HS6ST2: variants seen among roughly 807,000 people sequenced by gnomAD.
HS6ST2 encodes heparan sulfate 6-O-sulfotransferase 2, also known as heparan-sulfate 6-O-sulfotransferase 2.
Under a neutral mutation model 33.0 loss-of-function variants are expected in HS6ST2, and 17 were observed. The observed-to-expected ratio is 0.52, with a 90% confidence interval of 0.35 to 0.77. The LOEUF (loss-of-function observed/expected upper bound fraction) is 0.77, where lower values mean the gene tolerates loss of function less well. HS6ST2 is among the 30% of genes least tolerant of loss of function. The pLI is 0.01. For missense variants in HS6ST2, 519 were observed against 551.7 expected (o/e 0.94, Z 0.59); for synonymous variants, 248 against 237.1 (o/e 1.05, Z -0.42).
intron 2 of HS6ST2, among the ~76,000 whole-genome samples, chrX:132,725,906 C>T (rs1252068118): frequency 9.1e-6 from 1 of 110,318 alleles, no homozygotes; most frequent in Non-Finnish European, 1.9e-5. Context: ...ATAAGCCAGG[C>T]ATAGAAGAAC....
chrX:132,945,586 C>T (rs191956598), intron 2 of HS6ST2, among the ~76,000 whole-genome samples: 5 of 110,381 alleles, frequency 4.5e-5, no homozygotes, highest in Admixed American at 2.9e-4. Flanking sequence ...GTCACAATAG[C>T]AAAGACCTGG....
intron 3 of HS6ST2, among the ~76,000 whole-genome samples, chrX:132,677,182 T>C (rs771391457): frequency 4.5e-5 from 5 of 112,184 alleles, no homozygotes; most frequent in African/African-American, 1.6e-4. Context: ...GTGAACTTTT[T>C]AGGAAAAGCC....
At chrX:132,716,367 G>A (rs2064273750) in intron 2 of HS6ST2, among the ~76,000 whole-genome samples, 2 of 112,190 alleles carry the variant, frequency 1.8e-5, no homozygotes, top group African/African-American at 6.5e-5. Flanking sequence ...TCAGAAAGCA[G>A]TGAAAAGGAT....
chrX:132,879,670 T>C (rs368265036), intron 2 of HS6ST2, among the ~76,000 whole-genome samples: 4 of 112,275 alleles, frequency 3.6e-5, no homozygotes, highest in African/African-American at 1.3e-4. Context: ...AATCAGATTT[T>C]GACTTCAGTT....
intron 2 of HS6ST2, among the ~76,000 whole-genome samples, chrX:132,922,478 G>T (rs1018007721): frequency 5.4e-5 from 6 of 111,984 alleles, no homozygotes; most frequent in African/African-American, 1.6e-4. Flanking sequence ...CATGGCCATG[G>T]TCCTTATCCA....
In HS6ST2 at chrX:132,628,419, G is replaced by T. The variant is rs367714566; in HGVS notation, c.1742C>A (p.Pro581Gln). ...QSQGQGQSQNPNQNQSQNPNP... is the reference protein window; with the variant it reads ...QSQGQGQSQNQNQNQSQNPNP... ...TGGGTTCTGACTCTGATTCTGATTCGGATTCTGGCTCTGGCCCTGACCCTG... is the reference window on the plus strand; with the variant it reads ...TGGGTTCTGACTCTGATTCTGATTCTGATTCTGGCTCTGGCCCTGACCCTG... The change falls in exon 5 of 5, where the codon CCG becomes CAG. Residue 581 changes from proline to glutamine, a missense_variant. Physicochemically the swap from Pro to Gln is moderately conservative, Grantham distance 76 (BLOSUM62 -1). Coordinates refer to ENST00000370833, the MANE Select transcript of HS6ST2 (RefSeq NM_001394073.1). The T allele has an allele frequency of 1.1e-5, 13 of 1,202,291 alleles. No individual in the cohort carries two copies. The African/African-American group carries it at 1.8e-4, about 16-fold the overall frequency.
chrX:132,773,205 A>G (rs1411161459), intron 2 of HS6ST2, among the ~76,000 whole-genome samples: 4 of 102,103 alleles, frequency 3.9e-5, no homozygotes, highest in African/African-American at 1.4e-4. Context: ...TATGTAATAT[A>G]TAATAAATAT....
At chrX:132,764,978 G>T (rs1314806403) in intron 2 of HS6ST2, among the ~76,000 whole-genome samples, 1 of 111,983 alleles carries the variant, frequency 8.9e-6, no homozygotes, top group Non-Finnish European at 1.9e-5. Flanking sequence ...AAGAGATTCT[G>T]GTCTTGAGTA....
chrX:132,878,769 T>C (rs779451775), intron 2 of HS6ST2, among the ~76,000 whole-genome samples: 9 of 111,305 alleles, frequency 8.1e-5, no homozygotes, highest in Admixed American at 7.6e-4. Context: ...GTGGAACATT[T>C]GTCATAAGGT....
intron 2 of HS6ST2, among the ~76,000 whole-genome samples, chrX:132,869,261 C>T (rs1420983203): frequency 9.0e-6 from 1 of 111,530 alleles, no homozygotes; most frequent in African/African-American, 3.3e-5. Flanking sequence ...AGGCCAATAA[C>T]AAGTTCTGAA....
At chrX:132,770,335 C>A (rs1821551434) in intron 2 of HS6ST2, among the ~76,000 whole-genome samples, 2 of 111,318 alleles carry the variant, frequency 1.8e-5, no homozygotes, top group African/African-American at 6.5e-5. Context: ...CTTTTCCCTG[C>A]TACTGGATTT....
chrX:132,730,222 A>G (rs1418789973), intron 2 of HS6ST2, among the ~76,000 whole-genome samples: 1 of 112,064 alleles, frequency 8.9e-6, no homozygotes, highest in East Asian at 2.8e-4. Flanking sequence ...CACAGCAGCT[A>G]TCATTTGTTG....
intron 2 of HS6ST2, among the ~76,000 whole-genome samples, chrX:132,878,214 T>C (rs1434528839): frequency 9.0e-6 from 1 of 110,677 alleles, no homozygotes; most frequent in African/African-American, 3.3e-5. Flanking sequence ...AGGAGAGGGG[T>C]CCTCCAAGCA....
chrX:132,774,301 C>G (rs1052158970), intron 2 of HS6ST2, among the ~76,000 whole-genome samples: 3 of 112,543 alleles, frequency 2.7e-5, no homozygotes, highest in African/African-American at 9.7e-5. Flanking sequence ...GAGAGAAAAG[C>G]TCCTGAACCT....
At chrX:132,757,744 C>T (rs2064770695) in intron 2 of HS6ST2, among the ~76,000 whole-genome samples, 1 of 112,055 alleles carries the variant, frequency 8.9e-6, no homozygotes, top group Non-Finnish European at 1.9e-5. Flanking sequence ...TTTAGACAAA[C>T]ACAGGCCAGG....
chrX:132,810,243 A>G (rs1169522376), intron 2 of HS6ST2, among the ~76,000 whole-genome samples: 1 of 108,994 alleles, frequency 9.2e-6, no homozygotes, highest in Non-Finnish European at 1.9e-5. Flanking sequence ...TCATCTCTGT[A>G]ATTTTTTTTT....
chrX:132,736,005 C>G (rs780912721), intron 2 of HS6ST2, among the ~76,000 whole-genome samples: 9 of 110,151 alleles, frequency 8.2e-5, no homozygotes, highest in Admixed American at 5.8e-4. Flanking sequence ...CCACCAGGCC[C>G]GGCTAATTTT....
In HS6ST2 at chrX:132,857,072, G is replaced by A. The variant is rs988626981; in HGVS notation, c.947+99736C>T. Among the ~76,000 whole-genome samples, 31 of 112,225 alleles carry A rather than the reference G, an allele frequency of 2.8e-4. 1 individual carries two copies. Among genetic ancestry groups the A allele is most frequent in the African/African-American group, 1.0e-3 (31 of 30,853 alleles). Reference sequence around the variant, plus strand: ...TGAGTAACAGCTCATTGTGAGCTTGGCACTCAAGACGGAAATACAACAGCC... The same window carrying A: ...TGAGTAACAGCTCATTGTGAGCTTGACACTCAAGACGGAAATACAACAGCC... On this transcript the variant is annotated intron_variant, in intron 2 of 4. Coordinates refer to ENST00000370833, the MANE Select transcript of HS6ST2 (RefSeq NM_001394073.1).
intron 2 of HS6ST2, among the ~76,000 whole-genome samples, chrX:132,920,676 G>A (rs768998474): frequency 1.8e-4 from 20 of 112,652 alleles, no homozygotes; most frequent in Middle Eastern, 4.6e-3. Flanking sequence ...GGGTTTTAGC[G>A]TAAATGACAT....
Sources: allele counts gnomAD v4.1 joint callset (sites outside exome capture counted in the v4.1 genomes callset), GRCh38; gene constraint gnomAD v4.1.1; transcripts MANE v1.5; gene names NCBI Gene and HGNC (gene_info 2026-07-23, HGNC 2026-07-21).